Variants in RFPL1 observed in about 807,000 individuals in gnomAD.
RFPL1 encodes the protein ret finger protein like 1, also known as ret finger protein-like 1.
RFPL1 carries 6 observed loss-of-function variants against 9.6 expected under a neutral mutation model. That is an observed-to-expected ratio of 0.62 (90% confidence interval 0.34 to 1.23). The LOEUF (loss-of-function observed/expected upper bound fraction) is 1.23, where lower values mean the gene tolerates loss of function less well. RFPL1 is among the 50% of genes most tolerant of loss of function. The pLI is 0.03. For synonymous variants in RFPL1, 145 were observed against 149.4 expected (o/e 0.97, Z 0.22); for missense variants, 352 against 398.4 (o/e 0.88, Z 0.99).
At chr22:29,430,074 T>C in the RFPL1 span, among the ~76,000 whole-genome samples, 1 of 152,220 alleles carries the variant, frequency 6.6e-6, no homozygotes, top group Non-Finnish European at 1.5e-5. Context: ...GACTCGTCTA[T>C]GTAATTACAT....
chr22:29,420,668 TCTCA>T, the RFPL1 span, among the ~76,000 whole-genome samples: 2 of 122,880 alleles, frequency 1.6e-5, no homozygotes, highest in African/African-American at 3.1e-5. Context: ...TGAGACGAAG[TCTCA>T]CTCTGTCTCC....
chr22:29,438,730 G>A, exon 1 of RFPL1: 1 of 1,576,774 alleles, frequency 6.3e-7, no homozygotes, highest in Non-Finnish European at 8.6e-7. Flanking sequence ...GGATGTGCTT[G>A]AGTGTTTGTA....
chr22:29,436,982 G>C (rs1483431522), upstream of RFPL1: 1 of 152,242 alleles, frequency 6.6e-6, no homozygotes, highest in Non-Finnish European at 1.5e-5. Context: ...AAAAGATTCG[G>C]GGTTGATTCA....
chr22:29,424,059 A>G, the RFPL1 span, among the ~76,000 whole-genome samples: 2 of 152,146 alleles, frequency 1.3e-5, no homozygotes, highest in Non-Finnish European at 2.9e-5. Flanking sequence ...GCGTGCCTGT[A>G]ATCCCAGTTA....
At chr22:29,439,633 C>CAA (rs67403671) in intron 1 of RFPL1, 48 of 148,812 alleles carry the variant, frequency 3.2e-4, no homozygotes, top group Non-Finnish European at 4.7e-4. Context: ...GACTCCGTCT[C>CAA]AAAAAAAAAA....
At chr22:29,415,613 C>T in the RFPL1 span, among the ~76,000 whole-genome samples, 1 of 152,236 alleles carries the variant, frequency 6.6e-6, no homozygotes, top group Non-Finnish European at 1.5e-5. Context: ...GCAGGATGAG[C>T]CACAGACAAA....
exon 2 of RFPL1, chr22:29,442,222 G>C (rs1321127801): frequency 1.2e-6 from 1 of 826,202 alleles, no homozygotes; most frequent in Admixed American, 3.0e-5. Context: ...AAAGTCATAG[G>C]AGAAAAATAT....
the RFPL1 span, among the ~76,000 whole-genome samples, chr22:29,414,425 T>G: frequency 6.6e-6 from 1 of 152,222 alleles, no homozygotes; most frequent in Non-Finnish European, 1.5e-5. Context: ...AAATAAGACA[T>G]TGCTTAGTCC....
At chr22:29,410,261 T>A in the RFPL1 span, among the ~76,000 whole-genome samples, 1 of 128,692 alleles carries the variant, frequency 7.8e-6, no homozygotes, top group East Asian at 2.5e-4. Context: ...TATTTGTAGA[T>A]ATATATATCT....
At chr22:29,398,070 G>T in the RFPL1 span, among the ~76,000 whole-genome samples, 1 of 152,192 alleles carries the variant, frequency 6.6e-6, no homozygotes, top group African/African-American at 2.4e-5. Flanking sequence ...CAGTGCTGTG[G>T]CTCATCCGCT....
chr22:29,429,417 A>AG, the RFPL1 span, among the ~76,000 whole-genome samples: 22 of 149,638 alleles, frequency 1.5e-4, no homozygotes, highest in African/African-American at 1.9e-4. Context: ...TAACTAAGAA[A>AG]AAAGAAGAAG....
chr22:29,416,354 G>T, the RFPL1 span, among the ~76,000 whole-genome samples: 12 of 152,142 alleles, frequency 7.9e-5, no homozygotes, highest in Admixed American at 2.6e-4. Flanking sequence ...GCTGCAGGTG[G>T]GGGCTGGGGA....
chr22:29,392,478 C>T, the RFPL1 span, among the ~76,000 whole-genome samples: 1 of 146,894 alleles, frequency 6.8e-6, no homozygotes, highest in African/African-American at 2.5e-5. Flanking sequence ...CAACTTCTGC[C>T]TCCCAGGGTC....
the RFPL1 span, among the ~76,000 whole-genome samples, chr22:29,404,580 G>A: frequency 2.6e-5 from 4 of 152,130 alleles, no homozygotes; most frequent in Admixed American, 6.5e-5. Flanking sequence ...TATAAAACTA[G>A]AATTTATTAC....
At chr22:29,392,327 G>A in the RFPL1 span, among the ~76,000 whole-genome samples, 2 of 140,290 alleles carry the variant, frequency 1.4e-5, no homozygotes, top group Non-Finnish European at 3.0e-5. Context: ...TGATCCGCCC[G>A]CCTTGGCCTC....
Position 29,438,963 on chromosome 22 carries a change from G to A in RFPL1, c.172G>A (p.Ala58Thr), listed in dbSNP as rs1237681316. 44 of 1,613,916 alleles carry A rather than the reference G, an allele frequency of 2.7e-5. No homozygotes were observed. The highest frequency in any genetic ancestry group is 3.3e-5 in the Non-Finnish European group (39 of 1,179,880). ...ACCAATGTCCCTGGAGTGTGGATGC[G>A]CTGTCTGCTTCAAGTGCATCAATTC... Residue 58 changes from alanine to threonine, a missense_variant, in exon 1 of 2, where the codon GCT (alanine) becomes ACT (threonine). Physicochemically the swap from Ala to Thr is moderately conservative, Grantham distance 58. Transcript: ENST00000354373.
At chr22:29,406,025 C>G in the RFPL1 span, among the ~76,000 whole-genome samples, 2 of 136,600 alleles carry the variant, frequency 1.5e-5, no homozygotes, top group Non-Finnish European at 3.1e-5. Context: ...AGGAGAATGG[C>G]GTGAACCCGG....
At chr22:29,412,003 C>T in the RFPL1 span, among the ~76,000 whole-genome samples, 190 of 152,254 alleles carry the variant, frequency 1.2e-3, no homozygotes, top group South Asian at 5.4e-3. Flanking sequence ...TCCTGTCTGC[C>T]GAGAGTATGG....
chr22:29,429,210 A>G, the RFPL1 span, among the ~76,000 whole-genome samples: 1 of 152,034 alleles, frequency 6.6e-6, no homozygotes, highest in Non-Finnish European at 1.5e-5. Context: ...GCACACCATC[A>G]TGCCCTGTGA....
Sources: gnomAD v4.1 joint callset for allele counts (sites outside exome capture counted in the v4.1 genomes callset) on GRCh38, gnomAD v4.1.1 for gene constraint, MANE v1.5 for transcripts, NCBI Gene and HGNC (gene_info 2026-07-23, HGNC 2026-07-21) for gene names.